MAPK4: variants seen among roughly 807,000 people sequenced by gnomAD.
MAPK4 encodes the protein Erk3-related.
MAPK4 carries 22 observed loss-of-function variants against 47.7 expected under a neutral mutation model. The ratio of observed to expected loss-of-function variants is 0.46; its 90% CI spans 0.33 to 0.66. MAPK4 has a LOEUF of 0.66. Ranked by LOEUF, MAPK4 falls within the 30% of genes least tolerant of loss-of-function variation. The pLI is 0.02. For missense variants in MAPK4, 736 were observed against 831.7 expected (o/e 0.88, Z 1.42); for synonymous variants, 390 against 365.7 (o/e 1.07, Z -0.76).
intron 1 of MAPK4, among the ~76,000 whole-genome samples, chr18:50,650,251 A>G (rs2043033542): frequency 1.3e-5 from 2 of 152,158 alleles, no homozygotes; most frequent in African/African-American, 4.8e-5. Flanking sequence ...ACTCAAAAAG[A>G]AGGCAGGCAG....
chr18:50,702,716 C>G (rs1568088008), intron 2 of MAPK4, among the ~76,000 whole-genome samples: 1 of 152,264 alleles, frequency 6.6e-6, no homozygotes, highest in East Asian at 1.9e-4. Context: ...ATCTTCCTGC[C>G]CTCATCTGGT....
In MAPK4 at chr18:50,642,885, A is replaced by G. The variant is rs188909872; in HGVS notation, c.-870-20204A>G. ...CTCCCAAAACGCTGGGATTATAGGCATAAGCCACCACGCCTGTCCTGCAGC... is the reference window on the plus strand; with the variant it reads ...CTCCCAAAACGCTGGGATTATAGGCGTAAGCCACCACGCCTGTCCTGCAGC... On this transcript the variant is annotated intron_variant, in intron 1 of 5. Transcript: ENST00000400384. 2.8e-3 allele frequency among the ~76,000 whole-genome samples: 425 copies of G among 152,334 alleles called. 3 individuals are homozygous for G. Among genetic ancestry groups the G allele is most frequent in the African/African-American group, 9.2e-3 (383 of 41,582 alleles).
chr18:50,698,347 G>A (rs1909614113), intron 2 of MAPK4, among the ~76,000 whole-genome samples: 1 of 152,100 alleles, frequency 6.6e-6, no homozygotes, highest in Non-Finnish European at 1.5e-5. Flanking sequence ...CATTTATTAA[G>A]TAAATACATA....
chr18:50,595,471 A>G (rs1257442191), intron 1 of MAPK4, among the ~76,000 whole-genome samples: 1 of 152,258 alleles, frequency 6.6e-6, no homozygotes, highest in Non-Finnish European at 1.5e-5. Context: ...ATTTACAAGA[A>G]GTTCAAGAAC....
intron 1 of MAPK4, among the ~76,000 whole-genome samples, chr18:50,575,985 G>A (rs551894176): frequency 2.6e-4 from 40 of 152,192 alleles, no homozygotes; most frequent in South Asian, 1.7e-3. Flanking sequence ...TTAAAAAGTC[G>A]AAAAATAACA....
intron 1 of MAPK4, among the ~76,000 whole-genome samples, chr18:50,649,773 C>G (rs1396255099): frequency 6.6e-6 from 1 of 152,184 alleles, no homozygotes; most frequent in Non-Finnish European, 1.5e-5. Context: ...CCAGGCAGCC[C>G]CTGCCCAAAC....
chr18:50,727,783 ACCTTCTTGCTGTGGGCAAGCT>A (rs1435121463), intron 5 of MAPK4, among the ~76,000 whole-genome samples: 1 of 152,212 alleles, frequency 6.6e-6, no homozygotes, highest in Non-Finnish European at 1.5e-5. Context: ...ATGACAAAGG[ACCTTCTTGCTGTGGGCAAGCT>A]CCTTACCCTC....
At position 50,667,507 on chromosome 18, in the gene MAPK4, A is replaced by G. The variant is rs547527396; in HGVS notation, c.546+3003A>G. On this transcript the variant is annotated intron_variant, in intron 2 of 5. Coordinates refer to ENST00000400384, the MANE Select transcript of MAPK4 (RefSeq NM_002747.4). ...TCTGGGGCATGCATCTGCTCTCTCCAGTGTGCTTGGAGGATGCTGTCTACA... is the reference window on the plus strand; with the variant it reads ...TCTGGGGCATGCATCTGCTCTCTCCGGTGTGCTTGGAGGATGCTGTCTACA... Among the ~76,000 whole-genome samples, 240 of 152,226 alleles carry G rather than the reference A, an allele frequency of 1.6e-3. 3 individuals are homozygous for G. The Middle Eastern group carries it at 0.02, about 13-fold the overall frequency.
chr18:50,638,781 A>G (rs2042911859), intron 1 of MAPK4, among the ~76,000 whole-genome samples: 1 of 152,196 alleles, frequency 6.6e-6, no homozygotes, highest in Non-Finnish European at 1.5e-5. Context: ...GCTGCTGTTG[A>G]CGGACTGGCT....
chr18:50,652,090 G>A (rs1448015835), intron 1 of MAPK4, among the ~76,000 whole-genome samples: 1 of 152,184 alleles, frequency 6.6e-6, no homozygotes, highest in African/African-American at 2.4e-5. Flanking sequence ...GAGTAAGTGG[G>A]CAGTGTTGTT....
chr18:50,601,509 C>A (rs956146186), intron 1 of MAPK4, among the ~76,000 whole-genome samples: 3 of 152,104 alleles, frequency 2.0e-5, no homozygotes, highest in Admixed American at 2.0e-4. Flanking sequence ...TTCCACCCCT[C>A]CTTCCACGGC....
chr18:50,623,154 G>A (rs1334760218), intron 1 of MAPK4, among the ~76,000 whole-genome samples: 1 of 152,148 alleles, frequency 6.6e-6, no homozygotes, highest in Admixed American at 6.5e-5. Context: ...TCAGAAGGGA[G>A]TATTTAATCT....
chr18:50,635,762 C>T (rs1239499043), intron 1 of MAPK4, among the ~76,000 whole-genome samples: 2 of 152,168 alleles, frequency 1.3e-5, no homozygotes, highest in Non-Finnish European at 2.9e-5. Flanking sequence ...CCACAGGCCC[C>T]CATGGTCTGG....
chr18:50,694,074 A>G (rs1909376431), intron 2 of MAPK4, among the ~76,000 whole-genome samples: 1 of 152,194 alleles, frequency 6.6e-6, no homozygotes, highest in Non-Finnish European at 1.5e-5. Flanking sequence ...TGGGATGGGG[A>G]AAATCAAAAA....
intron 1 of MAPK4, among the ~76,000 whole-genome samples, chr18:50,586,130 G>A (rs755254875): frequency 5.3e-5 from 8 of 152,132 alleles, no homozygotes; most frequent in Non-Finnish European, 1.2e-4. Flanking sequence ...CCATTCATAA[G>A]GAACTTGAAT....
chr18:50,641,523 C>G (rs2042941300), intron 1 of MAPK4, among the ~76,000 whole-genome samples: 1 of 151,994 alleles, frequency 6.6e-6, no homozygotes. Context: ...AAATTGTAAC[C>G]AAAATAACAC....
At chr18:50,662,766 A>G (rs1235529152) in intron 1 of MAPK4, among the ~76,000 whole-genome samples, 1 of 152,224 alleles carries the variant, frequency 6.6e-6, no homozygotes, top group African/African-American at 2.4e-5. Flanking sequence ...GAGAGCATAA[A>G]ACAAATTAAT....
intron 2 of MAPK4, among the ~76,000 whole-genome samples, chr18:50,698,800 C>G (rs1248772892): frequency 2.6e-5 from 4 of 152,172 alleles, no homozygotes; most frequent in Non-Finnish European, 5.9e-5. Flanking sequence ...GAGGCCAAGG[C>G]AGGCAGATCA....
chr18:50,569,056 G>A (rs376640785), intron 1 of MAPK4, among the ~76,000 whole-genome samples: 44 of 152,094 alleles, frequency 2.9e-4, no homozygotes, highest in African/African-American at 1.0e-3. Context: ...GCATCTTTTT[G>A]TCCTGTCTTT....
Sources: gnomAD v4.1 joint callset for allele counts (sites outside exome capture counted in the v4.1 genomes callset) on GRCh38, gnomAD v4.1.1 for gene constraint, MANE v1.5 for transcripts, NCBI Gene and HGNC (gene_info 2026-07-23, HGNC 2026-07-21) for gene names.